Variants in KCND2 observed in about 807,000 individuals in gnomAD.
KCND2 encodes potassium voltage-gated channel subfamily D member 2.
A neutral mutation model predicts 54.4 loss-of-function variants in KCND2; 16 were observed. That is an observed-to-expected ratio of 0.29 (90% CI 0.20 to 0.45). KCND2 has a LOEUF of 0.45. Among genes scored for constraint, KCND2 ranks in the 20% least tolerant of loss-of-function variants. The pLI, the probability that KCND2 is intolerant of heterozygous loss-of-function variation, is 1.00. For missense variants in KCND2, 486 were observed against 824.2 expected, an observed-to-expected ratio of 0.59 and a Z score of 5.02; for synonymous variants, 317 against 310.7, an observed-to-expected ratio of 1.02 and a Z score of -0.21.
At chr7:120,426,949 TG>T (rs1467471337) in intron 1 of KCND2, among the ~76,000 whole-genome samples, 1 of 152,182 alleles carries the variant, frequency 6.6e-6, no homozygotes, top group African/African-American at 2.4e-5. Flanking sequence ...AAGTTTCCTT[TG>T]CATTTCTAAT....
chr7:120,309,276 A>G (rs1198801795), intron 1 of KCND2, among the ~76,000 whole-genome samples: 1 of 151,946 alleles, frequency 6.6e-6, no homozygotes, highest in African/African-American at 2.4e-5. Context: ...CTTTGGGAAA[A>G]TCCAAGAAAA....
intron 1 of KCND2, among the ~76,000 whole-genome samples, chr7:120,531,883 A>G (rs1186198614): frequency 6.6e-6 from 1 of 151,994 alleles, no homozygotes; most frequent in Non-Finnish European, 1.5e-5. Flanking sequence ...CTGTGGTTCT[A>G]CTTACCTCTT....
At chr7:120,558,648 T>C (rs1311416148) in intron 1 of KCND2, among the ~76,000 whole-genome samples, 1 of 152,192 alleles carries the variant, frequency 6.6e-6, no homozygotes. Flanking sequence ...GTCTACATCC[T>C]ATGGTGAAAC....
At chr7:120,369,457 A>T (rs1036237802) in intron 1 of KCND2, among the ~76,000 whole-genome samples, 1 of 152,092 alleles carries the variant, frequency 6.6e-6, no homozygotes, top group African/African-American at 2.4e-5. Flanking sequence ...CCTTCAGGAA[A>T]TATATGAAAT....
At chr7:120,516,787 A>C (rs1562861330) in intron 1 of KCND2, among the ~76,000 whole-genome samples, 2 of 152,150 alleles carry the variant, frequency 1.3e-5, no homozygotes, top group Admixed American at 1.3e-4. Flanking sequence ...ACATAAACTC[A>C]TGCAGGCTTT....
chr7:120,677,857 T>C (rs1055783458), intron 1 of KCND2, among the ~76,000 whole-genome samples: 1 of 152,128 alleles, frequency 6.6e-6, no homozygotes, highest in Non-Finnish European at 1.5e-5. Flanking sequence ...TAATGTAGGC[T>C]TATGTTTTAA....
chr7:120,554,414 T>G (rs756913553), intron 1 of KCND2, among the ~76,000 whole-genome samples: 58 of 151,870 alleles, frequency 3.8e-4, no homozygotes, highest in Non-Finnish European at 6.5e-4. Context: ...TTTTTTTAAT[T>G]TATTTTTTTT....
At chr7:120,365,273 A>G (rs1800653857) in intron 1 of KCND2, among the ~76,000 whole-genome samples, 1 of 151,742 alleles carries the variant, frequency 6.6e-6, no homozygotes, top group Admixed American at 6.6e-5. Context: ...CAGGGATACT[A>G]ATTGATGAAG....
chr7:120,739,985 G>A (rs1792920826), intron 2 of KCND2, among the ~76,000 whole-genome samples: 2 of 151,960 alleles, frequency 1.3e-5, no homozygotes, highest in Admixed American at 1.3e-4. Flanking sequence ...ATAATTATTT[G>A]TTTATACCGT....
At chr7:120,419,171 A>G (rs1156593985) in intron 1 of KCND2, among the ~76,000 whole-genome samples, 1 of 152,108 alleles carries the variant, frequency 6.6e-6, no homozygotes, top group African/African-American at 2.4e-5. Flanking sequence ...CTTCCTATAT[A>G]TATCACCCAC....
intron 1 of KCND2, among the ~76,000 whole-genome samples, chr7:120,637,482 G>A (rs1227018627): frequency 2.0e-5 from 3 of 152,016 alleles, no homozygotes; most frequent in Non-Finnish European, 2.9e-5. Context: ...GCCATTGCAA[G>A]GCAATTGTTC....
intron 1 of KCND2, among the ~76,000 whole-genome samples, chr7:120,420,360 C>G (rs933012754): frequency 1.3e-5 from 2 of 152,172 alleles, no homozygotes; most frequent in African/African-American, 4.8e-5. Flanking sequence ...TTCAATAGAA[C>G]AGGCTCAATA....
At chr7:120,412,451 A>G (rs1474841236) in intron 1 of KCND2, among the ~76,000 whole-genome samples, 1 of 152,076 alleles carries the variant, frequency 6.6e-6, no homozygotes, top group Non-Finnish European at 1.5e-5. Context: ...TCTGTTTCCA[A>G]TACTTTACTT....
At chr7:120,556,948 T>C (rs901049604) in intron 1 of KCND2, among the ~76,000 whole-genome samples, 1 of 152,192 alleles carries the variant, frequency 6.6e-6, no homozygotes, top group African/African-American at 2.4e-5. Context: ...TTCACAAATG[T>C]TATAGTGCAT....
chr7:120,463,832 A>G (rs951808950), intron 1 of KCND2, among the ~76,000 whole-genome samples: 1 of 152,098 alleles, frequency 6.6e-6, no homozygotes, highest in African/African-American at 2.4e-5. Flanking sequence ...ATCTTTGAAT[A>G]TAGAAAACTG....
intron 1 of KCND2, among the ~76,000 whole-genome samples, chr7:120,599,817 C>T (rs1403977182): frequency 6.6e-6 from 1 of 151,800 alleles, no homozygotes; most frequent in Non-Finnish European, 1.5e-5. Context: ...TTCTACTGAC[C>T]TCCAGTAAAA....
chr7:120,307,348 G>A (rs758650768), intron 1 of KCND2, among the ~76,000 whole-genome samples: 2 of 151,866 alleles, frequency 1.3e-5, no homozygotes, highest in Non-Finnish European at 2.9e-5. Flanking sequence ...GAGCTTTTTT[G>A]ATGCTGTTTT....
intron 1 of KCND2, among the ~76,000 whole-genome samples, chr7:120,558,993 CTGTGTG>C (rs34908580): frequency 6.7e-6 from 1 of 149,012 alleles, no homozygotes; most frequent in Non-Finnish European, 1.5e-5. Flanking sequence ...TCACAAAGTA[CTGTGTG>C]TGTGTGTGTG....
At chr7:120,513,619 A>T (rs1192649051) in intron 1 of KCND2, among the ~76,000 whole-genome samples, 1 of 152,120 alleles carries the variant, frequency 6.6e-6, no homozygotes, top group African/African-American at 2.4e-5. Context: ...CTATATAAAG[A>T]TATGAAAAAA....
Sources: gnomAD v4.1 joint callset for allele counts (sites outside exome capture counted in the v4.1 genomes callset) on GRCh38, gnomAD v4.1.1 for gene constraint, MANE v1.5 for transcripts, NCBI Gene and HGNC (gene_info 2026-07-23, HGNC 2026-07-21) for gene names.